Variants in SAMSN1 observed in about 807,000 individuals in gnomAD.
The protein encoded by SAMSN1 is SAM domain-containing protein SAMSN-1.
A neutral mutation model predicts 42.0 loss-of-function variants in SAMSN1; 31 were observed. The observed-to-expected ratio is 0.74, with a 90% CI of 0.55 to 1.00. The LOEUF (loss-of-function observed/expected upper bound fraction) is 1.00, where lower values mean the gene tolerates loss of function less well. Ranked by LOEUF, SAMSN1 falls within the 50% of genes least tolerant of loss-of-function variation. The probability of loss-of-function intolerance (pLI) is 0.00; values close to 1 mark genes in which losing one functional copy is unlikely to be tolerated. For synonymous variants in SAMSN1, 178 were observed against 151.9 expected (o/e 1.17, Z -1.26); for missense variants, 464 against 439.4 (o/e 1.06, Z -0.50).
At chr21:14,555,813 A>G (rs1265139943) in intron 2 of SAMSN1, among the ~76,000 whole-genome samples, 1 of 152,220 alleles carries the variant, frequency 6.6e-6, no homozygotes, top group Non-Finnish European at 1.5e-5. Flanking sequence ...ATTTGGCAGA[A>G]AGGCAATTCT....
intron 3 of SAMSN1, 28 bp from the exon 4 acceptor site, chr21:14,512,601 A>G (rs1987736325): frequency 1.9e-6 from 3 of 1,611,442 alleles, no homozygotes; most frequent in African/African-American, 1.3e-5. Flanking sequence ...GAGGTTAGGT[A>G]CAGAGAGAAG....
intron 5 of SAMSN1, among the ~76,000 whole-genome samples, chr21:14,606,184 G>A (rs1191082924): frequency 6.6e-6 from 1 of 152,104 alleles, no homozygotes; most frequent in East Asian, 1.9e-4. Context: ...TATAGATGAA[G>A]TTAATGTTTC....
intron 2 of SAMSN1, among the ~76,000 whole-genome samples, chr21:14,553,622 G>T (rs1192441620): frequency 6.6e-6 from 1 of 152,066 alleles, no homozygotes; most frequent in Non-Finnish European, 1.5e-5. Context: ...CAGAAAAAGG[G>T]CACTTACATC....
chr21:14,542,077 G>A lies in SAMSN1; in HGVS notation c.57+4128C>T, dbSNP rs115388606. Among the ~76,000 whole-genome samples the A allele has an allele frequency of 6.9e-3, 1,045 of 152,242 alleles. 13 individuals carry two copies. Among genetic ancestry groups the A allele is most frequent in the African/African-American group, 0.024 (995 of 41,520 alleles). On this transcript the variant is annotated intron_variant, in intron 1 of 7. Coordinates refer to ENST00000400566, the MANE Select transcript of SAMSN1 (RefSeq NM_022136.5). ...TACAATTGTAGGTGTTGACATGTGT[G>A]TGGACGCCTAGAGAGATTTCTTTGA...
chr21:14,593,216 C>T (rs1982144670), intron 7 of SAMSN1, among the ~76,000 whole-genome samples: 1 of 152,076 alleles, frequency 6.6e-6, no homozygotes, highest in African/African-American at 2.4e-5. Context: ...TTCATACCTA[C>T]ATAAAGAAAC....
intron 2 of SAMSN1, among the ~76,000 whole-genome samples, chr21:14,569,992 C>CG (rs896624629): frequency 1.1e-4 from 17 of 151,916 alleles, no homozygotes; most frequent in African/African-American, 4.1e-4. Context: ...TTTCCCCCCC[C>CG]CCAGTTTTTC....
upstream of SAMSN1, among the ~76,000 whole-genome samples, chr21:14,584,621 G>A (rs1981861456): frequency 6.6e-6 from 1 of 152,126 alleles, no homozygotes; most frequent in African/African-American, 2.4e-5. Flanking sequence ...ATTGTGTTCT[G>A]TTGAATTCAC....
At chr21:14,591,533 A>C (rs1475514404) in intron 7 of SAMSN1, 1 of 152,186 alleles carries the variant, frequency 6.6e-6, no homozygotes, top group African/African-American at 2.4e-5. Flanking sequence ...TATGGTCAAT[A>C]AATACATTCA....
intron 1 of SAMSN1, among the ~76,000 whole-genome samples, chr21:14,646,435 A>G (rs1245465552): frequency 1.3e-5 from 2 of 152,202 alleles, no homozygotes; most frequent in Non-Finnish European, 1.5e-5. Context: ...TCTTTCAAAC[A>G]TAAAGAAATA....
chr21:14,583,861 A>AAAATT (rs1981836849), upstream of SAMSN1: 14 of 632,508 alleles, frequency 2.2e-5, no homozygotes, highest in East Asian at 4.0e-4. Context: ...TAAATGTGGA[A>AAAATT]AAATTAATAA....
chr21:14,603,402 C>T (rs910402939), intron 5 of SAMSN1, among the ~76,000 whole-genome samples: 1 of 152,176 alleles, frequency 6.6e-6, no homozygotes, highest in East Asian at 1.9e-4. Flanking sequence ...GATTCACACA[C>T]AATACTATGG....
intron 7 of SAMSN1, among the ~76,000 whole-genome samples, chr21:14,488,506 C>T (rs1239778874): frequency 2.6e-5 from 4 of 152,104 alleles, no homozygotes. Context: ...ATTTCACTCT[C>T]AGAAGCCTCT....
At chr21:14,606,135 C>T (rs115794313) in intron 5 of SAMSN1, among the ~76,000 whole-genome samples, 3,878 of 152,152 alleles carry the variant, frequency 0.025, 98 homozygotes, top group South Asian at 0.073. Context: ...CCACTGCGCC[C>T]GGTCAAGAAG....
At chr21:14,608,415 T>G (rs554546720) in intron 5 of SAMSN1, among the ~76,000 whole-genome samples, 7 of 152,290 alleles carry the variant, frequency 4.6e-5, no homozygotes, top group Non-Finnish European at 8.8e-5. Context: ...GGGGAGCATA[T>G]AGACTTGCCC....
intron 2 of SAMSN1, among the ~76,000 whole-genome samples, chr21:14,574,807 G>C (rs1303175743): frequency 6.6e-6 from 1 of 151,850 alleles, no homozygotes; most frequent in Non-Finnish European, 1.5e-5. Flanking sequence ...TTCAACCTAA[G>C]GAATTTCCAT....
chr21:14,550,377 GCTT>G (rs1355180098), upstream of SAMSN1, among the ~76,000 whole-genome samples: 1 of 152,024 alleles, frequency 6.6e-6, no homozygotes, highest in African/African-American at 2.4e-5. Context: ...TGACTTTTCT[GCTT>G]CTCCTGGTGA....
intron 2 of SAMSN1, among the ~76,000 whole-genome samples, chr21:14,581,559 C>A (rs762455833): frequency 4.0e-5 from 6 of 150,990 alleles, no homozygotes; most frequent in Non-Finnish European, 7.4e-5. Flanking sequence ...CGGGGTTTCA[C>A]CTTGTTAGCC....
chr21:14,500,421 G>T, intron 6 of SAMSN1, 108 bp downstream of exon 6: 2 of 893,620 alleles, frequency 2.2e-6, no homozygotes, highest in Non-Finnish European at 3.5e-6. Flanking sequence ...GTTTTCCTTT[G>T]CTTGCAAGAC....
chr21:14,565,354 T>C (rs919797919), intron 2 of SAMSN1, among the ~76,000 whole-genome samples: 6 of 148,966 alleles, frequency 4.0e-5, no homozygotes, highest in African/African-American at 1.5e-4. Context: ...GCAGGGAAAA[T>C]ATCTTCAATG....
Sources: allele counts gnomAD v4.1 joint callset (sites outside exome capture counted in the v4.1 genomes callset), GRCh38; gene constraint gnomAD v4.1.1; transcripts MANE v1.5; gene names NCBI Gene and HGNC (gene_info 2026-07-23, HGNC 2026-07-21).